Variants in TENM2 observed in about 807,000 individuals in gnomAD.
TENM2 encodes the protein teneurin transmembrane protein 2.
In TENM2, 52 loss-of-function variants were observed where a neutral mutation model predicts 245.2. That is an observed-to-expected ratio of 0.21 (90% CI 0.17 to 0.27). TENM2 has a LOEUF of 0.27. Ranked by LOEUF, TENM2 falls within the 10% of genes least tolerant of loss-of-function variation. The pLI is 1.00. For synonymous variants in TENM2, 1,363 were observed against 1,438.9 expected, an observed-to-expected ratio of 0.95 and a Z score of 1.19; for missense variants, 3,046 against 3,666.8, an observed-to-expected ratio of 0.83 and a Z score of 4.37.
At chr5:168,169,381 A>G (rs1276333030) in intron 13 of TENM2, among the ~76,000 whole-genome samples, 1 of 152,174 alleles carries the variant, frequency 6.6e-6, no homozygotes, top group African/African-American at 2.4e-5. Context: ...GGTTCACTCC[A>G]AAGGAGGCTG....
chr5:167,952,673 C>T (rs1402853465), exon 4 of TENM2: 4 of 1,613,074 alleles, frequency 2.5e-6, no homozygotes, highest in South Asian at 1.1e-5. Context: ...ACCACTCGTC[C>T]GCCAACTCCC....
the TENM2 span, among the ~76,000 whole-genome samples, chr5:167,238,305 A>G: frequency 6.6e-6 from 1 of 151,294 alleles, no homozygotes; most frequent in Admixed American, 6.6e-5. Flanking sequence ...TAGTCATTAT[A>G]CAGTAATGTA....
intron 9 of TENM2, among the ~76,000 whole-genome samples, chr5:168,113,941 A>G (rs187880856): frequency 1.0e-3 from 154 of 152,344 alleles, no homozygotes; most frequent in Non-Finnish European, 1.6e-3. Context: ...ACCAATCACA[A>G]CCAACTCCCT....
At chr5:167,169,447 G>A in the TENM2 span, among the ~76,000 whole-genome samples, 1 of 152,152 alleles carries the variant, frequency 6.6e-6, no homozygotes, top group Non-Finnish European at 1.5e-5. Flanking sequence ...TGGTCACATT[G>A]CAACTCTTCC....
chr5:168,226,147 T>C, exon 24 of TENM2: 1 of 1,613,764 alleles, frequency 6.2e-7, no homozygotes, highest in Non-Finnish European at 8.5e-7. Flanking sequence ...GTAACCAGTC[T>C]GCACCGGGAA....
chr5:167,189,469 CT>C, the TENM2 span, among the ~76,000 whole-genome samples: 1 of 151,706 alleles, frequency 6.6e-6, no homozygotes, highest in Non-Finnish European at 1.5e-5. Flanking sequence ...TTCTCTCTTC[CT>C]TTCTCTCTTT....
chr5:167,256,357 T>C, the TENM2 span, among the ~76,000 whole-genome samples: 1 of 152,114 alleles, frequency 6.6e-6, no homozygotes, highest in Non-Finnish European at 1.5e-5. Context: ...AAATAAAATA[T>C]ATTGGTCAAA....
rs1431808389 is a variant in TENM2 at position 167,498,750 on chromosome 5, CTT to C, written c.502+123280_502+123281del. On this transcript the variant is annotated intron_variant, in intron 2 of 28. Transcript: ENST00000518659. The stretch of plus-strand genomic sequence containing the variant: ...ACATGAATTAAGAAAAAAAAATACA[CTT>C]TTCATGCTTATTTTTAAAATTTTAT... Among the ~76,000 whole-genome samples the C allele has an allele frequency of 1.5e-4, 23 of 152,218 alleles. No homozygotes were observed. In the East Asian group the frequency reaches 4.5e-3, roughly 29 times the overall value.
chr5:167,173,603 C>G, the TENM2 span, among the ~76,000 whole-genome samples: 1 of 152,074 alleles, frequency 6.6e-6, no homozygotes, highest in African/African-American at 2.4e-5. Context: ...GTACACTTGT[C>G]TGCCTAAGTT....
At chr5:167,335,326 A>G (rs1440743995) in intron 1 of TENM2, among the ~76,000 whole-genome samples, 1 of 152,176 alleles carries the variant, frequency 6.6e-6, no homozygotes, top group Non-Finnish European at 1.5e-5. Context: ...TAAACCATTC[A>G]TGAGAACTCC....
the TENM2 span, among the ~76,000 whole-genome samples, chr5:167,001,900 C>T: frequency 6.6e-6 from 1 of 152,064 alleles, no homozygotes; most frequent in East Asian, 1.9e-4. Context: ...TGTTTTGCTG[C>T]TCCTGCCTTT....
chr5:168,001,302 C>A (rs1159373165), intron 5 of TENM2, among the ~76,000 whole-genome samples: 1 of 152,172 alleles, frequency 6.6e-6, no homozygotes, highest in Non-Finnish European at 1.5e-5. Context: ...ATCTGTGATT[C>A]CCTGAAATCG....
intron 2 of TENM2, among the ~76,000 whole-genome samples, chr5:167,689,720 G>T (rs1757297808): frequency 6.6e-6 from 1 of 152,154 alleles, no homozygotes; most frequent in Non-Finnish European, 1.5e-5. Flanking sequence ...GGAAAGGGGA[G>T]AGTCCTGAAC....
chr5:167,691,907 C>A (rs2150407618), intron 2 of TENM2, among the ~76,000 whole-genome samples: 1 of 152,330 alleles, frequency 6.6e-6, no homozygotes, highest in East Asian at 1.9e-4. Context: ...AAAAAACTAT[C>A]TTAAGTAGTT....
intron 3 of TENM2, among the ~76,000 whole-genome samples, chr5:167,907,231 T>TCAAA (rs1382165016): frequency 1.6e-5 from 2 of 122,766 alleles, no homozygotes; most frequent in Non-Finnish European, 3.3e-5. Flanking sequence ...AAACTCCGTC[T>TCAAA]CAAATAAATA....
At chr5:167,478,027 A>T (rs774934671) in intron 2 of TENM2, among the ~76,000 whole-genome samples, 4 of 152,198 alleles carry the variant, frequency 2.6e-5, no homozygotes, top group Non-Finnish European at 5.9e-5. Flanking sequence ...TGCTAAATTA[A>T]ACCCAGGTGT....
chr5:167,566,198 GAA>G (rs1417775878), intron 2 of TENM2, among the ~76,000 whole-genome samples: 4 of 150,794 alleles, frequency 2.7e-5, no homozygotes, highest in Non-Finnish European at 5.9e-5. Flanking sequence ...TTTTTTTAAT[GAA>G]AGAGTTAAAT....
At chr5:167,849,920 A>G (rs749822797) in intron 2 of TENM2, among the ~76,000 whole-genome samples, 13 of 152,104 alleles carry the variant, frequency 8.5e-5, no homozygotes, top group Middle Eastern at 3.2e-3. Flanking sequence ...AGCTATCCAG[A>G]AGCTCCCCAA....
intron 2 of TENM2, among the ~76,000 whole-genome samples, chr5:167,447,896 C>T (rs995239439): frequency 2.6e-5 from 4 of 152,084 alleles, no homozygotes; most frequent in African/African-American, 9.7e-5. Flanking sequence ...CAAGGGTACT[C>T]TGAGATTGTG....
Sources: gnomAD v4.1 joint callset for allele counts (sites outside exome capture counted in the v4.1 genomes callset) on GRCh38, gnomAD v4.1.1 for gene constraint, MANE v1.5 for transcripts, NCBI Gene and HGNC (gene_info 2026-07-23, HGNC 2026-07-21) for gene names.